PPM1E: variants seen among roughly 807,000 people sequenced by gnomAD.
The protein encoded by PPM1E is protein phosphatase, Mg2+/Mn2+ dependent 1E.
In PPM1E, 20 loss-of-function variants were observed where a neutral mutation model predicts 65.9. The observed-to-expected ratio is 0.30, with a 90% CI of 0.21 to 0.44. The LOEUF is 0.44. Ranked by LOEUF, PPM1E falls within the 20% of genes least tolerant of loss-of-function variation. PPM1E has a pLI of 1.00. For missense variants in PPM1E, 713 were observed against 953.1 expected (o/e 0.75, Z 3.32); for synonymous variants, 352 against 374.9 (o/e 0.94, Z 0.70).
At chr17:58,867,482 T>C (rs1461672715) in intron 1 of PPM1E, among the ~76,000 whole-genome samples, 2 of 152,210 alleles carry the variant, frequency 1.3e-5, no homozygotes, top group Non-Finnish European at 2.9e-5. Context: ...AATCCAAAAC[T>C]ACAGCTCTTA....
intron 1 of PPM1E, among the ~76,000 whole-genome samples, chr17:58,871,683 A>G (rs9907499): frequency 0.64 from 96,401 of 151,424 alleles, 31,075 homozygotes; most frequent in African/African-American, 0.71. Flanking sequence ...AGGTGTGGGG[A>G]CGCACACCTG....
chr17:58,887,797 A>C (rs1490489017), intron 1 of PPM1E, among the ~76,000 whole-genome samples: 4 of 152,198 alleles, frequency 2.6e-5, no homozygotes, highest in African/African-American at 4.8e-5. Context: ...TTTTTAATGG[A>C]TCATTCTGGG....
chr17:58,829,104 G>T (rs1021725443), intron 1 of PPM1E, among the ~76,000 whole-genome samples: 2 of 151,614 alleles, frequency 1.3e-5, no homozygotes, highest in East Asian at 1.9e-4. Flanking sequence ...GTGCAATGGC[G>T]CAATCTCAGC....
chr17:58,828,923 C>G (rs2050570086), intron 1 of PPM1E, among the ~76,000 whole-genome samples: 1 of 152,130 alleles, frequency 6.6e-6, no homozygotes, highest in Non-Finnish European at 1.5e-5. Context: ...ACTTACTTTC[C>G]CCCACTAACT....
At chr17:58,820,043 AAAAT>A in intron 1 of PPM1E, among the ~76,000 whole-genome samples, 1 of 152,054 alleles carries the variant, frequency 6.6e-6, no homozygotes, top group Non-Finnish European at 1.5e-5. Context: ...TTTCAAACAA[AAAAT>A]AAATAAATAA....
chr17:58,926,148 C>T (rs2051821375), intron 1 of PPM1E, among the ~76,000 whole-genome samples: 1 of 151,942 alleles, frequency 6.6e-6, no homozygotes. Context: ...TGAGACCAGC[C>T]TGGCCAACGT....
chr17:58,851,593 G>A (rs928345811), intron 1 of PPM1E, among the ~76,000 whole-genome samples: 2 of 152,194 alleles, frequency 1.3e-5, no homozygotes, highest in Non-Finnish European at 2.9e-5. Flanking sequence ...CTGCAGAACA[G>A]CAAATATTGC....
chr17:58,814,801 G>A (rs1407508810), intron 1 of PPM1E, among the ~76,000 whole-genome samples: 4 of 152,164 alleles, frequency 2.6e-5, no homozygotes, highest in Non-Finnish European at 5.9e-5. Context: ...AAACAAATGG[G>A]TATAGCTGTA....
intron 1 of PPM1E, among the ~76,000 whole-genome samples, chr17:58,871,754 T>C (rs1310525650): frequency 6.6e-6 from 1 of 151,450 alleles, no homozygotes; most frequent in Non-Finnish European, 1.5e-5. Flanking sequence ...AAGTTGAGGC[T>C]TCAGTGAGCC....
chr17:58,900,709 A>T (rs1355016871), intron 1 of PPM1E, among the ~76,000 whole-genome samples: 1 of 152,084 alleles, frequency 6.6e-6, no homozygotes, highest in African/African-American at 2.4e-5. Context: ...AGTTTCTTTA[A>T]CCTGTTCCCT....
chr17:58,860,729 A>C (rs1384622932), intron 1 of PPM1E, among the ~76,000 whole-genome samples: 1 of 152,222 alleles, frequency 6.6e-6, no homozygotes, highest in Non-Finnish European at 1.5e-5. Context: ...AGACCGCCTG[A>C]GGTCAGGAAT....
chr17:58,780,624 A>G (rs537700229), intron 1 of PPM1E, among the ~76,000 whole-genome samples: 3 of 152,288 alleles, frequency 2.0e-5, no homozygotes, highest in Non-Finnish European at 4.4e-5. Flanking sequence ...ATCTTTATGT[A>G]TTATGGATAT....
At chr17:58,893,484 T>G (rs1402035179) in intron 1 of PPM1E, among the ~76,000 whole-genome samples, 1 of 152,104 alleles carries the variant, frequency 6.6e-6, no homozygotes, top group African/African-American at 2.4e-5. Context: ...CCCAGAGGAT[T>G]TTTAGGGCAT....
intron 1 of PPM1E, among the ~76,000 whole-genome samples, chr17:58,919,448 T>G (rs1245994293): frequency 6.6e-6 from 1 of 152,206 alleles, no homozygotes; most frequent in African/African-American, 2.4e-5. Context: ...ACATAACTAA[T>G]TTTAAACTTT....
chr17:58,844,024 C>T (rs555957802), intron 1 of PPM1E, among the ~76,000 whole-genome samples: 4 of 152,168 alleles, frequency 2.6e-5, no homozygotes, highest in African/African-American at 7.2e-5. Flanking sequence ...CCTTTCTATA[C>T]GTCATATGGA....
chr17:58,903,011 CT>C (rs1218834778), intron 1 of PPM1E, among the ~76,000 whole-genome samples: 1 of 152,134 alleles, frequency 6.6e-6, no homozygotes, highest in East Asian at 1.9e-4. Flanking sequence ...AAGAATATGT[CT>C]TTCTTCCTTT....
At chr17:58,893,738 C>T (rs1477664973) in intron 1 of PPM1E, among the ~76,000 whole-genome samples, 1 of 151,986 alleles carries the variant, frequency 6.6e-6, no homozygotes, top group Non-Finnish European at 1.5e-5. Flanking sequence ...ACTCTCTGTA[C>T]TTTATGCTTA....
intron 1 of PPM1E, among the ~76,000 whole-genome samples, chr17:58,892,534 C>T (rs1198923294): frequency 6.6e-6 from 1 of 152,136 alleles, no homozygotes; most frequent in Non-Finnish European, 1.5e-5. Context: ...GATCACACCA[C>T]TGCACTCCAG....
intron 1 of PPM1E, among the ~76,000 whole-genome samples, chr17:58,930,917 CAA>C (rs1393703930): frequency 6.6e-6 from 1 of 151,716 alleles, no homozygotes; most frequent in Non-Finnish European, 1.5e-5. Flanking sequence ...TATTCAGAAA[CAA>C]ATGCAGACTT....
Sources: allele counts gnomAD v4.1 joint callset (sites outside exome capture counted in the v4.1 genomes callset), GRCh38; gene constraint gnomAD v4.1.1; transcripts MANE v1.5; gene names NCBI Gene and HGNC (gene_info 2026-07-23, HGNC 2026-07-21).